Variants in STXBP6 observed in about 807,000 individuals in gnomAD.
STXBP6 encodes syntaxin binding protein 6.
In STXBP6, 21 loss-of-function variants were observed where a neutral mutation model predicts 26.9. The ratio of observed to expected loss-of-function variants is 0.78; its 90% confidence interval spans 0.55 to 1.12. STXBP6 has a LOEUF of 1.12. Among genes scored for constraint, STXBP6 ranks in the 50% most tolerant of loss-of-function variants. The pLI, the probability that STXBP6 is intolerant of heterozygous loss-of-function variation, is 0.00. For missense variants in STXBP6, 232 were observed against 257.9 expected (o/e 0.90, Z 0.69); for synonymous variants, 97 against 92.6 (o/e 1.05, Z -0.27).
chr14:24,924,891 T>A (rs2072107994), intron 2 of STXBP6, among the ~76,000 whole-genome samples: 1 of 152,178 alleles, frequency 6.6e-6, no homozygotes, highest in African/African-American at 2.4e-5. Flanking sequence ...AAGGAAGCAA[T>A]ACCTGCGGAA....
intron 4 of STXBP6, among the ~76,000 whole-genome samples, chr14:24,848,939 A>T (rs1007356350): frequency 6.6e-6 from 1 of 152,136 alleles, no homozygotes; most frequent in Non-Finnish European, 1.5e-5. Flanking sequence ...AAAGATTCCT[A>T]TCCAAAAACA....
At chr14:24,847,110 A>G (rs2068990153) in intron 4 of STXBP6, among the ~76,000 whole-genome samples, 1 of 152,188 alleles carries the variant, frequency 6.6e-6, no homozygotes, top group African/African-American at 2.4e-5. Context: ...GGTGAATTTG[A>G]CAAATTACTA....
intron 2 of STXBP6, chr14:24,878,809 G>T (rs1372574576): frequency 8.9e-6 from 4 of 451,722 alleles, no homozygotes; most frequent in South Asian, 6.3e-5. Flanking sequence ...AAGCTGACTT[G>T]ATATCTGTGT....
At chr14:25,032,136 A>G (rs1344036350) in intron 1 of STXBP6, among the ~76,000 whole-genome samples, 1 of 152,206 alleles carries the variant, frequency 6.6e-6, no homozygotes, top group Non-Finnish European at 1.5e-5. Flanking sequence ...ACAGGAGGAA[A>G]ACAGACTGAC....
intron 2 of STXBP6, among the ~76,000 whole-genome samples, chr14:24,897,984 T>C (rs1158725721): frequency 2.0e-5 from 3 of 152,182 alleles, no homozygotes; most frequent in East Asian, 1.9e-4. Flanking sequence ...GGTGAAGTCA[T>C]GTAGACAATG....
intron 1 of STXBP6, among the ~76,000 whole-genome samples, chr14:24,998,232 T>C (rs1382030220): frequency 1.3e-5 from 2 of 152,236 alleles, no homozygotes; most frequent in Non-Finnish European, 2.9e-5. Flanking sequence ...GTTATTAAAA[T>C]GTGCATTTCT....
intron 2 of STXBP6, among the ~76,000 whole-genome samples, chr14:24,956,906 A>C (rs887705535): frequency 6.6e-6 from 1 of 152,086 alleles, no homozygotes; most frequent in Admixed American, 6.6e-5. Context: ...TCTTCACTTG[A>C]ACATACTGCT....
At chr14:24,939,305 A>G (rs1486062368) in intron 2 of STXBP6, among the ~76,000 whole-genome samples, 1 of 152,212 alleles carries the variant, frequency 6.6e-6, no homozygotes, top group Admixed American at 6.5e-5. Context: ...CCTGACTTCT[A>G]TTCTAGTTTG....
intron 4 of STXBP6, among the ~76,000 whole-genome samples, chr14:24,828,823 A>G (rs540885044): frequency 6.6e-6 from 1 of 152,364 alleles, no homozygotes; most frequent in Admixed American, 6.5e-5. Flanking sequence ...GTTCACAATA[A>G]TGCTAATATA....
intron 2 of STXBP6, among the ~76,000 whole-genome samples, chr14:24,956,521 T>C (rs1288439184): frequency 6.6e-6 from 1 of 152,220 alleles, no homozygotes; most frequent in Admixed American, 6.5e-5. Context: ...GTTATCGAAC[T>C]GCAGGGAATT....
chr14:24,918,452 C>CA (rs2071850748), intron 2 of STXBP6, among the ~76,000 whole-genome samples: 12 of 133,476 alleles, frequency 9.0e-5, no homozygotes, highest in Admixed American at 8.5e-4. Flanking sequence ...CACACCCCCA[C>CA]CACACACACA....
intron 2 of STXBP6, among the ~76,000 whole-genome samples, chr14:24,903,197 T>C (rs901120362): frequency 2.0e-5 from 3 of 152,162 alleles, no homozygotes; most frequent in Non-Finnish European, 4.4e-5. Flanking sequence ...AGAGCTCGCA[T>C]TTTTGGTGTT....
intron 2 of STXBP6, among the ~76,000 whole-genome samples, chr14:24,905,858 C>T (rs2071368286): frequency 6.6e-6 from 1 of 152,158 alleles, no homozygotes; most frequent in Admixed American, 6.5e-5. Flanking sequence ...CACCTGTGCA[C>T]CTGCATGCAC....
chr14:24,998,339 A>AATATATTCTTACGC (rs2074661179), intron 1 of STXBP6, among the ~76,000 whole-genome samples: 1 of 152,236 alleles, frequency 6.6e-6, no homozygotes, highest in African/African-American at 2.4e-5. Context: ...AAGTCAAAAT[A>AATATATTCTTACGC]ATATATTCTT....
At chr14:24,938,767 C>T (rs2072693601) in intron 2 of STXBP6, among the ~76,000 whole-genome samples, 2 of 152,294 alleles carry the variant, frequency 1.3e-5, no homozygotes, top group Admixed American at 1.3e-4. Context: ...GATCTGCTCC[C>T]CTAAGCTTTC....
At chr14:24,960,186 G>A (rs980080585) in intron 2 of STXBP6, among the ~76,000 whole-genome samples, 1 of 152,250 alleles carries the variant, frequency 6.6e-6, no homozygotes, top group Admixed American at 6.5e-5. Flanking sequence ...TTGAGAGCAA[G>A]GAGTGGGGGC....
intron 2 of STXBP6, among the ~76,000 whole-genome samples, chr14:24,934,630 A>G (rs2072533834): frequency 6.6e-6 from 1 of 152,190 alleles, no homozygotes; most frequent in South Asian, 2.1e-4. Flanking sequence ...CATCAAATCC[A>G]TTAACATACA....
At chr14:24,976,320 A>G (rs937063985) in intron 1 of STXBP6, among the ~76,000 whole-genome samples, 2 of 152,238 alleles carry the variant, frequency 1.3e-5, no homozygotes, top group Non-Finnish European at 2.9e-5. Flanking sequence ...GTGATATATT[A>G]AAAAAGAACA....
chr14:24,921,398 A>G (rs1186034705), intron 2 of STXBP6, among the ~76,000 whole-genome samples: 1 of 152,174 alleles, frequency 6.6e-6, no homozygotes, highest in Non-Finnish European at 1.5e-5. Context: ...TTACCTTTTA[A>G]GAAGTGCAAT....
Sources: gnomAD v4.1 joint callset for allele counts (sites outside exome capture counted in the v4.1 genomes callset) on GRCh38, gnomAD v4.1.1 for gene constraint, MANE v1.5 for transcripts, NCBI Gene and HGNC (gene_info 2026-07-23, HGNC 2026-07-21) for gene names.